Variants in FAM181B observed in about 807,000 individuals in gnomAD.
FAM181B encodes the protein protein FAM181B.
A neutral mutation model predicts 17.8 loss-of-function variants in FAM181B; 13 were observed. That is an observed-to-expected ratio of 0.73 (90% confidence interval 0.48 to 1.16). The LOEUF is 1.16. Among genes scored for constraint, FAM181B ranks in the 50% most tolerant of loss-of-function variants. FAM181B has a pLI of 0.00. For synonymous variants in FAM181B, 338 were observed against 316.5 expected (o/e 1.07, Z -0.72); for missense variants, 725 against 634.1 (o/e 1.14, Z -1.54).
chr11:82,733,829 C>T lies in FAM181B; in HGVS notation c.-100G>A. 1 of 1,012,264 alleles carries T rather than the reference C, an allele frequency of 9.9e-7. No homozygotes were observed. The highest frequency in any genetic ancestry group is 1.2e-6 in the Non-Finnish European group (1 of 806,580). The allele number at this position is 1,012,264 out of a possible 1,614,324, so 62.7% of individuals were successfully genotyped here. ...TCCCGCCCCGGCGCGGCGCGCGCGG[C>T]GCAGCCTACTAGTTCCGGGCCTGGC... On this transcript the variant is annotated 5_prime_UTR_variant, in exon 1 of 1. Transcript: ENST00000329203.
Position 82,732,723 on chromosome 11 carries a change from G to C in FAM181B, c.1007C>G (p.Pro336Arg). ...VPGCSPTKKSPLTAPRGGLTL... is the reference protein window; with the variant it reads ...VPGCSPTKKSRLTAPRGGLTL... ...CAAGCCGCCGCGGGGGGCAGTCAGG[G>C]GGCTCTTTTTGGTCGGGGAGCAGCC... The change falls in exon 1 of 1, where the codon CCC becomes CGC. Residue 336 changes from proline to arginine, a missense_variant. Physicochemically the swap from Pro to Arg is moderately radical, Grantham distance 103 (BLOSUM62 -2). Coordinates refer to ENST00000329203, the MANE Select transcript of FAM181B (RefSeq NM_175885.4). 3 of 1,457,896 alleles carry C rather than the reference G, an allele frequency of 2.1e-6. No individual in the cohort carries two copies. Among genetic ancestry groups the C allele is most frequent in the Non-Finnish European group, 2.7e-6 (3 of 1,103,828 alleles). 90.3% of individuals were successfully genotyped at this position (1,457,896 alleles called of 1,614,324 possible).
At position 82,733,538 on chromosome 11, in the gene FAM181B, G is replaced by C; in HGVS notation, c.192C>G (p.Arg64=). The change falls in exon 1 of 1, where the codon CGC becomes CGG. Residue 64 remains arginine (R), a synonymous_variant. Coordinates refer to ENST00000329203, the MANE Select transcript of FAM181B (RefSeq NM_175885.4). The part of the protein sequence containing the change: ...AEGGDVREAT[R]DLLSFIDSAS... Reference sequence around the variant, plus strand: ...CCGAGTCAATGAAGCTGAGTAGATCGCGGGTGGCCTCGCGCACGTCCCCTC... The same window carrying C: ...CCGAGTCAATGAAGCTGAGTAGATCCCGGGTGGCCTCGCGCACGTCCCCTC... 1 of 1,593,470 alleles carries C rather than the reference G, an allele frequency of 6.3e-7. No individual in the cohort carries two copies. Among genetic ancestry groups the C allele is most frequent in the South Asian group, 1.1e-5 (1 of 89,992 alleles).
chr11:82,733,532 T>C lies in FAM181B; in HGVS notation c.198A>G (p.Leu66=). 2 of 1,608,870 alleles carry C rather than the reference T, an allele frequency of 1.2e-6. No individual in the cohort carries two copies. The highest frequency in any genetic ancestry group is 8.5e-7 in the Non-Finnish European group (1 of 1,179,144). Reference sequence around the variant, plus strand: ...TGGACGCCGAGTCAATGAAGCTGAGTAGATCGCGGGTGGCCTCGCGCACGT... The same window carrying C: ...TGGACGCCGAGTCAATGAAGCTGAGCAGATCGCGGGTGGCCTCGCGCACGT... ...GGDVREATRD[L]LSFIDSASSN... The change falls in exon 1 of 1, where the codon CTA becomes CTG. Residue 66 remains leucine (L), a synonymous_variant. Transcript: ENST00000329203.
In FAM181B at chr11:82,733,315, C is replaced by T; in HGVS notation, c.415G>A (p.Ala139Thr). The change falls in exon 1 of 1, where the codon GCC (alanine) becomes ACC (threonine). Residue 139 changes from alanine to threonine, a missense_variant. Ala to Thr is a moderately conservative substitution (Grantham distance 58, BLOSUM62 0). Transcript: ENST00000329203. The stretch of plus-strand genomic sequence containing the variant: ...GGGGCAGCCTTGCCGTGGGCCGGGG[C>T]CGCGACTGTCGGGGCGCTAGGGGCG... ...LAAPSAPTVA[A>T]PAHGKAAPRR... is the part of the protein sequence containing the mutation. The T allele has an allele frequency of 1.6e-6, 2 of 1,245,276 alleles. No individual in the cohort carries two copies. The highest frequency in any genetic ancestry group is 2.0e-6 in the Non-Finnish European group (2 of 997,508). The allele number at this position is 1,245,276 out of a possible 1,614,324, so 77.1% of individuals were successfully genotyped here. A position where few individuals can be genotyped will look rare whatever the true frequency, so the allele number is the denominator to read the frequency against.
chr11:82,730,668 T>C lies in FAM181B; in HGVS notation c.*1781A>G, dbSNP rs919064417. On this transcript the variant is annotated 3_prime_UTR_variant, in exon 1 of 1. Coordinates refer to ENST00000329203, the MANE Select transcript of FAM181B (RefSeq NM_175885.4). ...GTACTCGTTCTATTTCCTGTGGTGC[T>C]TTCTTAAGAAAGGCTTTATTCAGAA... 6.6e-6 allele frequency: 1 copy of C among 152,256 alleles called. No homozygotes were observed. The allele number at this position is 152,256 out of a possible 1,614,324, so 9.4% of individuals were successfully genotyped here. A position where few individuals can be genotyped will look rare whatever the true frequency, so the allele number is the denominator to read the frequency against.
rs903448187 is a variant in FAM181B at position 82,733,205 on chromosome 11, G to C, written c.525C>G (p.Val175=). ...LAALFDSLRH[V]PGGAEPAGGE... ...CCCCCGCCGGCTCGGCACCCCCGGGGACGTGGCGCAGCGAGTCGAAGAGCG... is the reference window on the plus strand; with the variant it reads ...CCCCCGCCGGCTCGGCACCCCCGGGCACGTGGCGCAGCGAGTCGAAGAGCG... Residue 175 remains valine (V), a synonymous_variant, in exon 1 of 1, where the codon GTC becomes GTG. Coordinates refer to ENST00000329203, the MANE Select transcript of FAM181B (RefSeq NM_175885.4). 1 of 1,320,692 alleles carries C rather than the reference G, an allele frequency of 7.6e-7. No homozygotes were observed. The highest frequency in any genetic ancestry group is 3.1e-5 in the East Asian group (1 of 32,128). The allele number at this position is 1,320,692 out of a possible 1,614,324, so 81.8% of individuals were successfully genotyped here.
chr11:82,733,385 C>T lies in FAM181B; in HGVS notation c.345G>A (p.Pro115=), dbSNP rs753855597. ...SGLMGAAPPG[P]PSPSAADTPA... Reference sequence around the variant, plus strand: ...GCGTGTCGGCGGCGCTCGGGGAGGGCGGGCCGGGGGGCGCGGCGCCCATGA... The same window carrying T: ...GCGTGTCGGCGGCGCTCGGGGAGGGTGGGCCGGGGGGCGCGGCGCCCATGA... The change falls in exon 1 of 1, where the codon CCG becomes CCA. Residue 115 remains proline, a synonymous_variant. Coordinates refer to ENST00000329203, the MANE Select transcript of FAM181B (RefSeq NM_175885.4). The T allele has an allele frequency of 1.1e-5, 13 of 1,197,236 alleles. No homozygotes were observed. Among genetic ancestry groups the T allele is most frequent in the Non-Finnish European group, 1.4e-5 (12 of 874,478 alleles). The allele number at this position is 1,197,236 out of a possible 1,614,324, so 74.2% of individuals were successfully genotyped here.
chr11:82,732,710 G>A lies in FAM181B; in HGVS notation c.1020C>T (p.Pro340=), dbSNP rs1391960296. Residue 340 remains proline, a synonymous_variant, in exon 1 of 1, where the codon CCC becomes CCT. Coordinates refer to ENST00000329203, the MANE Select transcript of FAM181B (RefSeq NM_175885.4). ...GCTCGTTCAAGGTCAAGCCGCCGCG[G>A]GGGGCAGTCAGGGGGCTCTTTTTGG... The part of the protein sequence containing the change: ...SPTKKSPLTA[P]RGGLTLNEPL... 1.4e-6 allele frequency: 2 copies of A among 1,457,998 alleles called. No homozygotes were observed. The highest frequency in any genetic ancestry group is 9.1e-7 in the Non-Finnish European group (1 of 1,103,956). The allele number at this position is 1,457,998 out of a possible 1,614,324, so 90.3% of individuals were successfully genotyped here.
chr11:82,733,742 C>A lies in FAM181B; in HGVS notation c.-13G>T. The A allele has an allele frequency of 1.4e-6, 2 of 1,392,682 alleles. No individual in the cohort carries two copies. Among genetic ancestry groups the A allele is most frequent in the African/African-American group, 1.5e-5 (1 of 66,358 alleles). The allele number at this position is 1,392,682 out of a possible 1,614,324, so 86.3% of individuals were successfully genotyped here. On this transcript the variant is annotated 5_prime_UTR_variant, in exon 1 of 1. Transcript: ENST00000329203. ...CCTGCACCGCCATCGCCGCGGCTCC[C>A]GGGCTGTCCGCAGCGCTGCCCGTGC...
rs963093778 is a variant in FAM181B, at chr11:82,732,411, C to A, written c.*38G>T. On this transcript the variant is annotated 3_prime_UTR_variant, in exon 1 of 1. Transcript: ENST00000329203. The stretch of plus-strand genomic sequence containing the variant: ...GAAACCCACGGAGGCGCGGCGCTCT[C>A]CACAGCCGTCTCTAATGAAGGGAAG... The A allele has an allele frequency of 7.5e-6, 12 of 1,599,948 alleles. No individual in the cohort carries two copies. The highest frequency in any genetic ancestry group is 3.4e-5 in the Admixed American group (2 of 59,322).
chr11:82,731,042 T>A lies in FAM181B; in HGVS notation c.*1407A>T, dbSNP rs1300035024. 1 of 152,378 alleles carries A rather than the reference T, an allele frequency of 6.6e-6. No individual in the cohort carries two copies. Among genetic ancestry groups the A allele is most frequent in the Admixed American group, 6.5e-5 (1 of 15,278 alleles). 9.4% of individuals were successfully genotyped at this position (152,378 alleles called of 1,614,324 possible). A position where few individuals can be genotyped will look rare whatever the true frequency, so the allele number is the denominator to read the frequency against. ...TCCAGCTGCTCACTTCCCACCAGTC[T>A]TTCCTCCCCTGCCCCTTAACCAACC... is the stretch of plus-strand genomic sequence containing the variant. On this transcript the variant is annotated 3_prime_UTR_variant, in exon 1 of 1. Coordinates refer to ENST00000329203, the MANE Select transcript of FAM181B (RefSeq NM_175885.4).
chr11:82,731,084 C>T lies in FAM181B; in HGVS notation c.*1365G>A, dbSNP rs2120877295. The T allele has an allele frequency of 6.6e-6, 1 of 152,424 alleles. No homozygotes were observed. Among genetic ancestry groups the T allele is most frequent in the South Asian group, 2.1e-4 (1 of 4,824 alleles). The allele number at this position is 152,424 out of a possible 1,614,324, so 9.4% of individuals were successfully genotyped here. A position where few individuals can be genotyped will look rare whatever the true frequency, so the allele number is the denominator to read the frequency against. On this transcript the variant is annotated 3_prime_UTR_variant, in exon 1 of 1. Transcript: ENST00000329203. ...TAACCAACCTATTGGTGCCATGTGTCCTCTCTGCCACATTCATGGCTGGTA... is the reference window on the plus strand; with the variant it reads ...TAACCAACCTATTGGTGCCATGTGTTCTCTCTGCCACATTCATGGCTGGTA...
In FAM181B at chr11:82,733,731, G is replaced by GCCGCGGCTCCCGGGCTGT; in HGVS notation, c.-20_-3dup. On this transcript the variant is annotated 5_prime_UTR_variant, in exon 1 of 1. Coordinates refer to ENST00000329203, the MANE Select transcript of FAM181B (RefSeq NM_175885.4). ...GAGGAGCGCCGCCTGCACCGCCATCGCCGCGGCTCCCGGGCTGTCCGCAGC... is the reference window on the plus strand; with the variant it reads ...GAGGAGCGCCGCCTGCACCGCCATCGCCGCGGCTCCCGGGCTGTCCGCGGCTCCCGGGCTGTCCGCAGC... 3 of 1,411,164 alleles carry GCCGCGGCTCCCGGGCTGT rather than the reference G, an allele frequency of 2.1e-6. No homozygotes were observed. The highest frequency in any genetic ancestry group is 5.6e-5 in the Admixed American group (2 of 35,904). The allele number at this position is 1,411,164 out of a possible 1,614,324, so 87.4% of individuals were successfully genotyped here.
rs994132865 is a variant in FAM181B at position 82,732,947 on chromosome 11, G to C, written c.783C>G (p.Ala261=). 7 of 1,575,660 alleles carry C rather than the reference G, an allele frequency of 4.4e-6. No homozygotes were observed. In the African/African-American group the frequency reaches 9.6e-5, roughly 22 times the overall value. The change falls in exon 1 of 1, where the codon GCC becomes GCG. Residue 261 remains alanine (A), a synonymous_variant. Coordinates refer to ENST00000329203, the MANE Select transcript of FAM181B (RefSeq NM_175885.4). The part of the protein sequence containing the change: ...SLGDLEKGAE[A]VEFFELLGPD... ...GCCCCAGCAGCTCAAAGAACTCCACGGCCTCCGCGCCCTTCTCCAGGTCGC... is the reference window on the plus strand; with the variant it reads ...GCCCCAGCAGCTCAAAGAACTCCACCGCCTCCGCGCCCTTCTCCAGGTCGC...
At position 82,733,747 on chromosome 11, in the gene FAM181B, T is replaced by A; in HGVS notation, c.-18A>T. ...ACCGCCATCGCCGCGGCTCCCGGGC[T>A]GTCCGCAGCGCTGCCCGTGCGCCCC... On this transcript the variant is annotated 5_prime_UTR_variant, in exon 1 of 1. Coordinates refer to ENST00000329203, the MANE Select transcript of FAM181B (RefSeq NM_175885.4). The A allele has an allele frequency of 2.2e-6, 3 of 1,380,494 alleles. No individual in the cohort carries two copies. The highest frequency in any genetic ancestry group is 2.8e-6 in the Non-Finnish European group (3 of 1,069,342). 85.5% of individuals were successfully genotyped at this position (1,380,494 alleles called of 1,614,324 possible).
rs1473042345 is a variant in FAM181B, at chr11:82,731,550, T to C, written c.*899A>G. 1 of 152,152 alleles carries C rather than the reference T, an allele frequency of 6.6e-6. No individual in the cohort carries two copies. Among genetic ancestry groups the C allele is most frequent in the African/African-American group, 2.4e-5 (1 of 41,384 alleles). The allele number at this position is 152,152 out of a possible 1,614,324, so 9.4% of individuals were successfully genotyped here. ...CTGAGCTACCCAACCAGTTGTGAAG[T>C]GAGTAGAAGAACATTACCGTCTTCA... On this transcript the variant is annotated 3_prime_UTR_variant, in exon 1 of 1. Transcript: ENST00000329203.
chr11:82,731,269 G>C lies in FAM181B; in HGVS notation c.*1180C>G, dbSNP rs1857125945. ...ATGCCCTTCCGTGGGGAGAGTGTGG[G>C]TATAAGGACTGAGGAAACAAAGGGA... is the stretch of plus-strand genomic sequence containing the variant. On this transcript the variant is annotated 3_prime_UTR_variant, in exon 1 of 1. Transcript: ENST00000329203. 6.6e-6 allele frequency: 1 copy of C among 152,282 alleles called. No individual in the cohort carries two copies. The highest frequency in any genetic ancestry group is 1.5e-5 in the Non-Finnish European group (1 of 68,140). The allele number at this position is 152,282 out of a possible 1,614,324, so 9.4% of individuals were successfully genotyped here.
Position 82,732,516 on chromosome 11 carries a change from G to A in FAM181B, c.1214C>T (p.Ser405Phe). The A allele has an allele frequency of 1.2e-6, 2 of 1,612,946 alleles. No individual in the cohort carries two copies. Among genetic ancestry groups the A allele is most frequent in the Non-Finnish European group, 1.7e-6 (2 of 1,179,956 alleles). The change falls in exon 1 of 1, where the codon TCC (serine) becomes TTC (phenylalanine). Residue 405 changes from serine (S) to phenylalanine (F), a missense_variant. Physicochemically the swap from Ser to Phe is radical, Grantham distance 155. Transcript: ENST00000329203. ...AACCCCGTCGGATCTCCAAAGGCTG[G>A]AATAGGCGGTGCGGCTGTAGCCCGC... ...YSAGYSRTAY[S>F]SLWRSDGVWE...
Position 82,731,735 on chromosome 11 carries a change from A to G in FAM181B, c.*714T>C, listed in dbSNP as rs566327633. ...AGAGATGTGCAAGAAAAGCCGGCCG[A>G]AAGAAATAGAATAATGAGAGGCCAG... On this transcript the variant is annotated 3_prime_UTR_variant, in exon 1 of 1. Coordinates refer to ENST00000329203, the MANE Select transcript of FAM181B (RefSeq NM_175885.4). The G allele has an allele frequency of 1.3e-4, 20 of 152,340 alleles. No homozygotes were observed. Among genetic ancestry groups the G allele is most frequent in the African/African-American group, 4.6e-4 (19 of 41,562 alleles). 9.4% of individuals were successfully genotyped at this position (152,340 alleles called of 1,614,324 possible).
Sources: allele counts gnomAD v4.1 joint callset, GRCh38; gene constraint gnomAD v4.1.1; transcripts MANE v1.5; gene names NCBI Gene and HGNC (gene_info 2026-07-23, HGNC 2026-07-21).